JAK1: variants seen among roughly 807,000 people sequenced by gnomAD.
JAK1 encodes tyrosine-protein kinase JAK1.
Under a neutral mutation model 136.6 loss-of-function variants are expected in JAK1, and 16 were observed. The ratio of observed to expected loss-of-function variants is 0.12; its 90% CI spans 0.08 to 0.18. The LOEUF (loss-of-function observed/expected upper bound fraction) is 0.18, where lower values mean the gene tolerates loss of function less well. Among genes scored for constraint, JAK1 ranks in the 10% least tolerant of loss-of-function variants. The pLI is 1.00. For missense variants in JAK1, 859 were observed against 1,450.1 expected (o/e 0.59, Z 6.62); for synonymous variants, 492 against 519.5 (o/e 0.95, Z 0.72).
intron 1 of JAK1, among the ~76,000 whole-genome samples, chr1:64,963,205 C>T (rs571024480): frequency 7.2e-4 from 110 of 152,274 alleles, no homozygotes; most frequent in African/African-American, 2.1e-3. Flanking sequence ...CTTCCTTGGT[C>T]ACCAGCTACT....
At chr1:64,865,135 G>GC (rs1437818896) in intron 7 of JAK1, among the ~76,000 whole-genome samples, 163 bp from the exon 8 acceptor site, 1 of 152,186 alleles carries the variant, frequency 6.6e-6, no homozygotes, top group Non-Finnish European at 1.5e-5. Flanking sequence ...TGCAGGGTTA[G>GC]GACCAAAGAA....
intron 2 of JAK1, chr1:64,972,129 G>A (rs1646457720): frequency 6.6e-6 from 1 of 152,040 alleles, no homozygotes; most frequent in Non-Finnish European, 1.5e-5. Flanking sequence ...GTAGATGGTG[G>A]GCAAAGAACA....
chr1:64,945,477 A>G (rs1645967599), intron 1 of JAK1, among the ~76,000 whole-genome samples: 1 of 152,180 alleles, frequency 6.6e-6, no homozygotes, highest in Non-Finnish European at 1.5e-5. Context: ...TGGTCTATTC[A>G]CACGAGAAAA....
At chr1:64,993,860 T>A (rs1011507688) in intron 2 of JAK1, among the ~76,000 whole-genome samples, 1 of 152,178 alleles carries the variant, frequency 6.6e-6, no homozygotes, top group Non-Finnish European at 1.5e-5. Context: ...TTGGCCAGGC[T>A]GGTCTTGAAC....
intron 1 of JAK1, among the ~76,000 whole-genome samples, chr1:64,948,998 A>T (rs1646035312): frequency 6.6e-6 from 1 of 152,232 alleles, no homozygotes; most frequent in African/African-American, 2.4e-5. Context: ...TTAAGAAACA[A>T]AAACGGTCAG....
chr1:65,014,931 C>T (rs1569880731), intron 2 of JAK1, among the ~76,000 whole-genome samples: 1 of 152,052 alleles, frequency 6.6e-6, no homozygotes, highest in African/African-American at 2.4e-5. Flanking sequence ...GTGATCCACC[C>T]GCCTCGGCCT....
intron 2 of JAK1, among the ~76,000 whole-genome samples, chr1:64,988,139 A>G (rs1244781308): frequency 6.6e-6 from 1 of 152,184 alleles, no homozygotes; most frequent in Non-Finnish European, 1.5e-5. Flanking sequence ...ATTCGGCCAT[A>G]TCAGGAATAT....
intron 1 of JAK1, among the ~76,000 whole-genome samples, chr1:64,941,798 G>A (rs1645894301): frequency 6.6e-6 from 1 of 152,162 alleles, no homozygotes; most frequent in South Asian, 2.1e-4. Context: ...TGAATCTAAA[G>A]ACCAAAGGAA....
At chr1:64,956,368 T>C (rs1389086417) in intron 1 of JAK1, among the ~76,000 whole-genome samples, 1 of 152,180 alleles carries the variant, frequency 6.6e-6, no homozygotes, top group Non-Finnish European at 1.5e-5. Flanking sequence ...CAGTGTGAAA[T>C]GGAAAGCTCA....
chr1:64,970,761 C>CA (rs397862455), upstream of JAK1, among the ~76,000 whole-genome samples: 25,102 of 91,000 alleles, frequency 0.28, 3,526 homozygotes, highest in East Asian at 0.51. Flanking sequence ...GACTCTGTCT[C>CA]AAAAAAAAAA....
intron 1 of JAK1, among the ~76,000 whole-genome samples, chr1:64,937,199 C>T (rs148736432): frequency 1.3e-5 from 2 of 152,282 alleles, no homozygotes; most frequent in African/African-American, 4.8e-5. Context: ...ACAACTCTAG[C>T]TTCAGGGCTA....
intron 1 of JAK1, among the ~76,000 whole-genome samples, chr1:64,888,560 C>T (rs147991186): frequency 3.3e-5 from 5 of 152,292 alleles, no homozygotes; most frequent in African/African-American, 1.2e-4. Context: ...CTCTTAGCCT[C>T]ATGTAAGATT....
intron 22 of JAK1, among the ~76,000 whole-genome samples, chr1:64,837,046 G>A (rs977262386): frequency 2.0e-5 from 3 of 152,144 alleles, no homozygotes; most frequent in East Asian, 3.9e-4. Flanking sequence ...TCCTAGTCAC[G>A]CATGCTGTCT....
intron 1 of JAK1, among the ~76,000 whole-genome samples, chr1:64,952,100 G>A (rs1194738330): frequency 2.6e-5 from 4 of 152,116 alleles, no homozygotes; most frequent in African/African-American, 9.7e-5. Flanking sequence ...TATCTGAAAC[G>A]CTATACATTT....
rs144239341 is a variant in JAK1 at position 64,859,895 on chromosome 1, A to C, written c.1334+210T>G. ...ACTATGAAGAGAGATCCAAGTAAAG[A>C]AGCAGCATTGAGGGGCTGCTGCAAA... On this transcript the variant is annotated intron_variant, in intron 9 of 24. Transcript: ENST00000342505. The C allele has an allele frequency of 1.7e-3, 677 of 398,970 alleles. 3 individuals carry two copies. The highest frequency in any genetic ancestry group is 2.3e-3 in the Non-Finnish European group (519 of 221,266). 24.7% of individuals were successfully genotyped at this position (398,970 alleles called of 1,614,324 possible). A position where few individuals can be genotyped will look rare whatever the true frequency, so the allele number is the denominator to read the frequency against.
intron 2 of JAK1, among the ~76,000 whole-genome samples, chr1:64,971,725 A>C (rs987789420): frequency 6.6e-6 from 1 of 152,014 alleles, no homozygotes; most frequent in Non-Finnish European, 1.5e-5. Flanking sequence ...TGCCTAGCTA[A>C]TTTTTGTATT....
chr1:64,934,106 G>T (rs761776596), intron 1 of JAK1, among the ~76,000 whole-genome samples: 30 of 150,386 alleles, frequency 2.0e-4, no homozygotes, highest in Non-Finnish European at 4.1e-4. Context: ...AGGGGACAGG[G>T]TATCTTAGGA....
intron 2 of JAK1, among the ~76,000 whole-genome samples, chr1:65,017,764 C>G (rs1267914403): frequency 6.6e-6 from 1 of 150,858 alleles, no homozygotes; most frequent in African/African-American, 2.4e-5. Flanking sequence ...TTTTAAATAA[C>G]TCATGGGTCA....
At position 64,984,988 on chromosome 1, in the gene JAK1, T is replaced by C. The variant is rs1333180226; in HGVS notation, c.-78+59492A>G. ...TCAAAGAAGACCACAAAGACCAAGA[T>C]AGCCCCAATACAGACAAAGCTTATC... On this transcript the variant is annotated intron_variant, in intron 2 of 25. Coordinates refer to the JAK1 transcript ENST00000671954. This position sits in a 1 kb window ranked among gnomAD's most constrained non-coding sequence, Gnocchi z 4.1. The C allele has an allele frequency of 1.1e-5, 10 of 882,194 alleles. No individual in the cohort carries two copies. The highest frequency in any genetic ancestry group is 5.2e-5 in the Admixed American group (3 of 57,932). The allele number at this position is 882,194 out of a possible 1,614,324, so 54.6% of individuals were successfully genotyped here. A position where few individuals can be genotyped will look rare whatever the true frequency, so the allele number is the denominator to read the frequency against.
Sources: gnomAD v4.1 joint callset for allele counts (sites outside exome capture counted in the v4.1 genomes callset) on GRCh38, gnomAD v4.1.1 for gene constraint, Gnocchi (gnomAD v3.1) non-coding constraint, MANE v1.5 for transcripts, NCBI Gene and HGNC (gene_info 2026-07-23, HGNC 2026-07-21) for gene names.